The following TIAM1 variants were observed in gnomAD, a reference collection of about 807,000 sequenced individuals.
TIAM1 encodes rho guanine nucleotide exchange factor TIAM1.
Under a neutral mutation model 163.5 loss-of-function variants are expected in TIAM1, and 65 were observed. The observed-to-expected ratio is 0.40, with a 90% CI of 0.33 to 0.49. The LOEUF (loss-of-function observed/expected upper bound fraction) is 0.49, where lower values mean the gene tolerates loss of function less well. TIAM1 is among the 20% of genes least tolerant of loss of function. The pLI, the probability that TIAM1 is intolerant of heterozygous loss-of-function variation, is 0.77. For synonymous variants in TIAM1, 833 were observed against 810.1 expected (o/e 1.03, Z -0.48); for missense variants, 1,789 against 2,044.7 (o/e 0.87, Z 2.41).
chr21:31,181,255 G>A (rs576842921), intron 15 of TIAM1, among the ~76,000 whole-genome samples: 6 of 152,234 alleles, frequency 3.9e-5, no homozygotes, highest in South Asian at 2.1e-4. Flanking sequence ...GTAAAGAGCC[G>A]GGAAGACAAA....
rs1028752851 is a variant in TIAM1, at chr21:31,453,714, A to G, written c.-369+10269T>C. ...AGTAAATAAATAAATAAATAAATAA[A>G]TAAATAAATAAATAAATAAATTTTA... is the stretch of plus-strand genomic sequence containing the variant. On this transcript the variant is annotated intron_variant, in intron 2 of 28. Transcript: ENST00000286827. 4.6e-4 allele frequency among the ~76,000 whole-genome samples: 69 copies of G among 150,772 alleles called. 1 individual carries two copies. Among genetic ancestry groups the G allele is most frequent in the Admixed American group, 4.0e-3 (61 of 15,132 alleles).
At chr21:31,322,222 A>C (rs1351729057) in intron 2 of TIAM1, among the ~76,000 whole-genome samples, 2 of 152,212 alleles carry the variant, frequency 1.3e-5, no homozygotes, top group Non-Finnish European at 2.9e-5. Context: ...TATCATATGC[A>C]AAAAGGAAAG....
chr21:31,358,437 T>C (rs948085543), intron 2 of TIAM1, among the ~76,000 whole-genome samples: 1 of 152,158 alleles, frequency 6.6e-6, no homozygotes, highest in African/African-American at 2.4e-5. Context: ...CAACTCCCAA[T>C]GCATGTCTCT....
intron 2 of TIAM1, among the ~76,000 whole-genome samples, chr21:31,444,507 G>T (rs1032369041): frequency 2.6e-5 from 4 of 151,166 alleles, no homozygotes; most frequent in Non-Finnish European, 5.9e-5. Flanking sequence ...AAAAAATGAG[G>T]GATAGATGAC....
rs71321386 is a variant in TIAM1 at position 31,386,610 on chromosome 21, G to A, written c.-368-47188C>T. Among the ~76,000 whole-genome samples, 1,350 of 152,186 alleles carry A rather than the reference G, an allele frequency of 8.9e-3. 11 individuals carry two copies. The highest frequency in any genetic ancestry group is 0.011 in the Non-Finnish European group (745 of 68,012). On this transcript the variant is annotated intron_variant, in intron 2 of 28. Coordinates refer to the TIAM1 transcript ENST00000286827. ...CCCTGAGGGGACTACTTGGGAACTCGGAGCAGAGACCCCTGCAAACTGCAG... is the reference window on the plus strand; with the variant it reads ...CCCTGAGGGGACTACTTGGGAACTCAGAGCAGAGACCCCTGCAAACTGCAG...
intron 15 of TIAM1, among the ~76,000 whole-genome samples, chr21:31,170,790 C>A (rs2084463767): frequency 1.3e-5 from 2 of 151,940 alleles, no homozygotes; most frequent in African/African-American, 4.8e-5. Flanking sequence ...GTAATCCCAG[C>A]ACTTTGGGAG....
chr21:31,334,470 A>C (rs1429005927), intron 2 of TIAM1, among the ~76,000 whole-genome samples: 2 of 152,136 alleles, frequency 1.3e-5, no homozygotes, highest in African/African-American at 2.4e-5. Context: ...TCAATGCTTC[A>C]GTCCTCATTA....
In TIAM1 at chr21:31,244,490, C is replaced by T. The variant is rs541025058; in HGVS notation, c.1584+998G>A. 3.5e-3 allele frequency among the ~76,000 whole-genome samples: 538 copies of T among 152,256 alleles called. 1 individual carries two copies. The highest frequency in any genetic ancestry group is 5.6e-3 in the Non-Finnish European group (382 of 68,024). On this transcript the variant is annotated intron_variant, in intron 6 of 27. Coordinates refer to ENST00000541036, the MANE Select transcript of TIAM1 (RefSeq NM_001353694.2). ...CTGTAATCCCAGCACTTTGGTAGGC[C>T]GAGGTGGGTGGATGACCTGAGATCA...
chr21:31,539,424 C>T (rs2048249446), intron 1 of TIAM1, among the ~76,000 whole-genome samples: 1 of 151,148 alleles, frequency 6.6e-6, no homozygotes, highest in African/African-American at 2.5e-5. Context: ...CACCACCACA[C>T]CCGGCTAATT....
At chr21:31,184,205 G>A (rs369523770) in intron 14 of TIAM1, among the ~76,000 whole-genome samples, 1 of 150,742 alleles carries the variant, frequency 6.6e-6, no homozygotes, top group Non-Finnish European at 1.5e-5. Flanking sequence ...TCCCCGGTTC[G>A]AGTGATTCTC....
At chr21:31,288,516 G>A (rs1220982978) in intron 2 of TIAM1, among the ~76,000 whole-genome samples, 1 of 152,116 alleles carries the variant, frequency 6.6e-6, no homozygotes, top group East Asian at 1.9e-4. Context: ...TCCCATTTAT[G>A]AGGGCAGAGC....
At chr21:31,168,564 C>G (rs2084354591) in intron 15 of TIAM1, among the ~76,000 whole-genome samples, 1 of 152,148 alleles carries the variant, frequency 6.6e-6, no homozygotes, top group Non-Finnish European at 1.5e-5. Context: ...CCACGCCCTG[C>G]TAATTTTTTG....
chr21:31,137,179 CT>C (rs1412045229), intron 22 of TIAM1, among the ~76,000 whole-genome samples: 1 of 152,256 alleles, frequency 6.6e-6, no homozygotes. Flanking sequence ...CAGCAGCAAC[CT>C]GGCGACCCGC....
At chr21:31,471,385 G>T (rs1423770426) in intron 1 of TIAM1, among the ~76,000 whole-genome samples, 1 of 152,064 alleles carries the variant, frequency 6.6e-6, no homozygotes, top group Non-Finnish European at 1.5e-5. Context: ...GGGCTGTTGT[G>T]GGGTCAAGGA....
At chr21:31,403,956 A>G (rs2077207152) in intron 2 of TIAM1, among the ~76,000 whole-genome samples, 1 of 152,160 alleles carries the variant, frequency 6.6e-6, no homozygotes, top group Non-Finnish European at 1.5e-5. Flanking sequence ...CGGAGGCAGG[A>G]GCAATTAATC....
At chr21:31,392,570 CA>C (rs61454127) in intron 2 of TIAM1, among the ~76,000 whole-genome samples, 41,474 of 85,000 alleles carry the variant, frequency 0.49, 7,584 homozygotes, top group Middle Eastern at 0.62. Flanking sequence ...AACTCTGTCT[CA>C]AAAAAAAAAA....
intron 1 of TIAM1, among the ~76,000 whole-genome samples, chr21:31,503,468 AG>A (rs1294027786): frequency 2.4e-5 from 1 of 41,090 alleles, no homozygotes; most frequent in Non-Finnish European, 4.4e-5. Context: ...GGAGGGAGGA[AG>A]GGAGGGAGGG....
At chr21:31,452,364 G>A (rs1310863411) in intron 2 of TIAM1, 4 of 224,532 alleles carry the variant, frequency 1.8e-5, no homozygotes, top group Admixed American at 5.7e-5. Flanking sequence ...ACTTGAGCCC[G>A]GGAGGCAGAG....
chr21:31,487,662 A>G (rs964373689), intron 1 of TIAM1, among the ~76,000 whole-genome samples: 2 of 149,014 alleles, frequency 1.3e-5, no homozygotes, highest in Non-Finnish European at 3.0e-5. Context: ...GGTTCACGCC[A>G]TTCTCCTGCC....
Sources: gnomAD v4.1 joint callset for allele counts (sites outside exome capture counted in the v4.1 genomes callset) on GRCh38, gnomAD v4.1.1 for gene constraint, MANE v1.5 for transcripts, NCBI Gene and HGNC (gene_info 2026-07-23, HGNC 2026-07-21) for gene names.